HPR: variants seen among roughly 807,000 people sequenced by gnomAD.
The protein encoded by HPR is haptoglobin-related protein, also known as Haptoglobin-related locus.
HPR carries 17 observed loss-of-function variants against 18.5 expected under a neutral mutation model. That is an observed-to-expected ratio of 0.92 (90% CI 0.63 to 1.38). The LOEUF (loss-of-function observed/expected upper bound fraction) is 1.38, where lower values mean the gene tolerates loss of function less well. HPR is among the 40% of genes most tolerant of loss of function. The pLI is 0.00. For missense variants in HPR, 457 were observed against 432.4 expected (o/e 1.06, Z -0.51); for synonymous variants, 176 against 165.0 (o/e 1.07, Z -0.51).
At chr16:72,075,589 C>G in intron 4 of HPR, among the ~76,000 whole-genome samples, 1 of 152,208 alleles carries the variant, frequency 6.6e-6, no homozygotes. Flanking sequence ...TAGCAGGAGG[C>G]TGGACATGGG....
At chr16:72,071,112 T>TA (rs1320416798) in intron 1 of HPR, among the ~76,000 whole-genome samples, 6 of 151,300 alleles carry the variant, frequency 4.0e-5, no homozygotes, top group Non-Finnish European at 7.4e-5. Flanking sequence ...CAATGATAAT[T>TA]AAAAAAAAAT....
intron 1 of HPR, among the ~76,000 whole-genome samples, chr16:72,063,771 G>T (rs1464465452): frequency 6.6e-6 from 1 of 151,798 alleles, no homozygotes; most frequent in Non-Finnish European, 1.5e-5. Flanking sequence ...GTGAGACAGA[G>T]TCTCACTCTG....
Position 72,076,620 on chromosome 16 carries a change from C to G in HPR, c.586C>G (p.Gln196Glu), listed in dbSNP as rs759590148. The G allele has an allele frequency of 1.2e-6, 2 of 1,614,078 alleles. No homozygotes were observed. The highest frequency in any genetic ancestry group is 1.3e-5 in the African/African-American group (1 of 74,930). ...AGATATTGGGCTCATCAAACTCAAA[C>G]AGAAGGTGCTTGTTAATGAGAGAGT... The part of the protein sequence containing the change: ...QVDIGLIKLK[Q>E]KVLVNERVMP... Residue 196 changes from glutamine to glutamate, a missense_variant, in exon 5 of 5, where the codon CAG becomes GAG. Transcript: ENST00000540303.
intron 4 of HPR, 130 bp downstream of exon 4, chr16:72,075,349 C>T: frequency 1.3e-6 from 1 of 774,066 alleles, no homozygotes; most frequent in African/African-American, 1.6e-5. Flanking sequence ...GGGAGAACCG[C>T]AGCTGGCCAG....
chr16:72,065,565 G>C (rs538176481), intron 1 of HPR, among the ~76,000 whole-genome samples: 7 of 152,184 alleles, frequency 4.6e-5, no homozygotes, highest in Non-Finnish European at 7.3e-5. Flanking sequence ...CTAAGCATAA[G>C]AAGAAGGAGC....
chr16:72,074,402 T>C lies in HPR; in HGVS notation c.193+17T>C, dbSNP rs766164681. The C allele has an allele frequency of 5.1e-6, 8 of 1,567,008 alleles. No homozygotes were observed. In the East Asian group the frequency reaches 1.1e-4, roughly 22 times the overall value. ...AAGGAGATGGTAAGACCTGGACAAC[T>C]ATCTCTGTGCTCTACCTACAACCCC... On this transcript the variant is annotated intron_variant, in intron 3 of 4. Coordinates refer to ENST00000540303, the MANE Select transcript of HPR (RefSeq NM_020995.4).
chr16:72,066,105 T>C (rs552682580), intron 1 of HPR, among the ~76,000 whole-genome samples: 2 of 152,326 alleles, frequency 1.3e-5, no homozygotes, highest in African/African-American at 4.8e-5. Flanking sequence ...GAACTCCCCT[T>C]TTCTTTCCAC....
chr16:72,068,784 C>G (rs1194747633), intron 1 of HPR, among the ~76,000 whole-genome samples: 1 of 152,098 alleles, frequency 6.6e-6, no homozygotes, highest in African/African-American at 2.4e-5. Flanking sequence ...TAACAGTAAG[C>G]ACACCCCACC....
At chr16:72,068,258 G>A (rs2041618488) in intron 1 of HPR, among the ~76,000 whole-genome samples, 1 of 152,166 alleles carries the variant, frequency 6.6e-6, no homozygotes, top group Non-Finnish European at 1.5e-5. Context: ...TTCAGTGTAT[G>A]GAGCCTAAAG....
Position 72,076,589 on chromosome 16 carries a change from C to T in HPR, c.555C>T (p.His185=), listed in dbSNP as rs201513890. ...AGGTGGTTCTACACCCTAACTACCA[C>T]CAGGTAGATATTGGGCTCATCAAAC... The part of the protein sequence containing the change: ...IEKVVLHPNY[H]QVDIGLIKLK... The change falls in exon 5 of 5, where the codon CAC becomes CAT. Residue 185 remains histidine (H), a synonymous_variant. Coordinates refer to ENST00000540303, the MANE Select transcript of HPR (RefSeq NM_020995.4). The T allele has an allele frequency of 5.0e-6, 8 of 1,614,178 alleles. No homozygotes were observed. The highest frequency in any genetic ancestry group is 5.1e-6 in the Non-Finnish European group (6 of 1,180,036).
chr16:72,074,080 A>T, intron 2 of HPR, 103 bp downstream of exon 2: 1 of 1,495,042 alleles, frequency 6.7e-7, no homozygotes, highest in African/African-American at 1.4e-5. Context: ...ACAGTTCCCC[A>T]TTCTTATCCT....
chr16:72,064,395 T>G (rs770476669), intron 1 of HPR, among the ~76,000 whole-genome samples: 28 of 152,168 alleles, frequency 1.8e-4, no homozygotes, highest in Non-Finnish European at 3.4e-4. Flanking sequence ...TAAACAACCT[T>G]CCTGCCAGTC....
chr16:72,068,706 C>T (rs1488387531), intron 1 of HPR, among the ~76,000 whole-genome samples: 2 of 152,148 alleles, frequency 1.3e-5, no homozygotes. Context: ...GGCCTCAGTG[C>T]ATCCAATCCA....
At chr16:72,074,791 A>C in intron 3 of HPR, 1 of 659,778 alleles carries the variant, frequency 1.5e-6, no homozygotes, top group Non-Finnish European at 2.7e-6. Flanking sequence ...AGAGGTTATT[A>C]TTCTCACTTT....
chr16:72,074,220 C>T, intron 2 of HPR, 64 bp from the exon 3 acceptor site: 1 of 1,489,046 alleles, frequency 6.7e-7, no homozygotes, highest in Non-Finnish European at 9.4e-7. Context: ...ACTCATCTGA[C>T]TTTTCATGGG....
chr16:72,064,323 T>C (rs1361580094), intron 1 of HPR, among the ~76,000 whole-genome samples: 1 of 152,216 alleles, frequency 6.6e-6, no homozygotes, highest in Non-Finnish European at 1.5e-5. Flanking sequence ...TAAGTTTCCT[T>C]GTCCTTTGTT....
chr16:72,064,595 A>G (rs939480537), intron 1 of HPR, among the ~76,000 whole-genome samples: 35 of 152,238 alleles, frequency 2.3e-4, no homozygotes, highest in African/African-American at 7.7e-4. Context: ...GTCAGGACAC[A>G]GTAGCAGGGA....
At chr16:72,063,837 G>A (rs184663258) in intron 1 of HPR, among the ~76,000 whole-genome samples, 24 of 152,062 alleles carry the variant, frequency 1.6e-4, no homozygotes, top group African/African-American at 5.5e-4. Context: ...CCCCCTCCCC[G>A]GTTCAAGCAA....
chr16:72,073,401 T>C (rs2041678091), intron 1 of HPR, among the ~76,000 whole-genome samples: 1 of 152,160 alleles, frequency 6.6e-6, no homozygotes, highest in Admixed American at 6.5e-5. Context: ...GAATCTTTGA[T>C]TATGGAAAAT....
Sources: allele counts gnomAD v4.1 joint callset (sites outside exome capture counted in the v4.1 genomes callset), GRCh38; gene constraint gnomAD v4.1.1; transcripts MANE v1.5; gene names NCBI Gene and HGNC (gene_info 2026-07-23, HGNC 2026-07-21).